TENM2: variants seen among roughly 807,000 people sequenced by gnomAD.
The protein encoded by TENM2 is teneurin-2.
Under a neutral mutation model 245.2 loss-of-function variants are expected in TENM2, and 52 were observed. That is an observed-to-expected ratio of 0.21 (90% CI 0.17 to 0.27). The LOEUF (loss-of-function observed/expected upper bound fraction) is 0.27, where lower values mean the gene tolerates loss of function less well. Among genes scored for constraint, TENM2 ranks in the 10% least tolerant of loss-of-function variants. TENM2 has a pLI of 1.00. For missense variants in TENM2, 3,046 were observed against 3,666.8 expected (o/e 0.83, Z 4.37); for synonymous variants, 1,363 against 1,438.9 (o/e 0.95, Z 1.19).
intron 1 of TENM2, among the ~76,000 whole-genome samples, chr5:167,321,109 G>T (rs1307186953): frequency 6.6e-6 from 1 of 152,098 alleles, no homozygotes; most frequent in Non-Finnish European, 1.5e-5. Flanking sequence ...CTAGAAAATT[G>T]CTAGATAAGT....
the TENM2 span, among the ~76,000 whole-genome samples, chr5:167,132,780 A>G: frequency 6.6e-6 from 1 of 152,258 alleles, no homozygotes. Context: ...ATGGAACAGA[A>G]TATAAAGTTC....
At chr5:168,228,028 C>G in exon 25 of TENM2, 1 of 1,613,902 alleles carries the variant, frequency 6.2e-7, no homozygotes, top group South Asian at 1.1e-5. Flanking sequence ...TTGGACGCTG[C>G]AACATCTCCC....
chr5:167,160,984 A>G, the TENM2 span, among the ~76,000 whole-genome samples: 2 of 151,708 alleles, frequency 1.3e-5, no homozygotes, highest in Admixed American at 1.3e-4. Context: ...TATTTTCAAT[A>G]TGAATTGGTT....
intron 8 of TENM2, among the ~76,000 whole-genome samples, chr5:168,095,259 C>G (rs1484135662): frequency 6.6e-6 from 1 of 152,124 alleles, no homozygotes; most frequent in Non-Finnish European, 1.5e-5. Flanking sequence ...GTCTACATGT[C>G]CCTGGATGAT....
intron 2 of TENM2, among the ~76,000 whole-genome samples, chr5:167,390,111 G>A (rs1001303532): frequency 6.6e-6 from 1 of 152,214 alleles, no homozygotes; most frequent in East Asian, 1.9e-4. Flanking sequence ...AGATCACTTG[G>A]CTGCATTTTC....
intron 4 of TENM2, among the ~76,000 whole-genome samples, chr5:167,974,926 A>T (rs529411887): frequency 6.6e-6 from 1 of 152,258 alleles, no homozygotes; most frequent in South Asian, 2.1e-4. Flanking sequence ...TTTTTCACAT[A>T]ACCACTTAAT....
chr5:167,978,740 T>C (rs540662959), intron 4 of TENM2, among the ~76,000 whole-genome samples: 1 of 152,332 alleles, frequency 6.6e-6, no homozygotes, highest in South Asian at 2.1e-4. Flanking sequence ...ACATCGTGAA[T>C]GCTCTAAATG....
the TENM2 span, among the ~76,000 whole-genome samples, chr5:167,104,360 C>T: frequency 5.9e-5 from 9 of 152,146 alleles, no homozygotes; most frequent in Non-Finnish European, 1.0e-4. Flanking sequence ...TTTCTCGAAG[C>T]GCTGTGCTGA....
chr5:167,131,636 A>AT, the TENM2 span, among the ~76,000 whole-genome samples: 14 of 152,140 alleles, frequency 9.2e-5, no homozygotes, highest in African/African-American at 2.9e-4. Flanking sequence ...CAACCAATAG[A>AT]TAAATAAAAA....
intron 2 of TENM2, among the ~76,000 whole-genome samples, chr5:167,818,475 A>G (rs1189363391): frequency 1.3e-5 from 2 of 152,200 alleles, no homozygotes; most frequent in African/African-American, 4.8e-5. Context: ...CTAACTAAGT[A>G]CTTTACATTT....
rs771552777 is a variant in TENM2, at chr5:168,047,525, G to T, written c.1285G>T (p.Ala429Ser). ...CGGCTTACCAGGAAACGATGATGTG[G>T]CAACAATGCCATCTGGAGGCAAAGG... The change falls in exon 6 of 29, where the codon GCA (alanine) becomes TCA (serine). Residue 429 changes from alanine (A) to serine (S), a missense_variant. Transcript: ENST00000518659. 4 of 1,551,714 alleles carry T rather than the reference G, an allele frequency of 2.6e-6. No individual in the cohort carries two copies. The South Asian group carries it at 4.8e-5, about 18-fold the overall frequency.
intron 2 of TENM2, among the ~76,000 whole-genome samples, chr5:167,681,000 T>C (rs564606865): frequency 2.0e-4 from 31 of 152,300 alleles, no homozygotes; most frequent in Middle Eastern, 3.4e-3. Context: ...AGAAATGAAG[T>C]TGTGATTTGA....
intron 7 of TENM2, 89 bp from the exon 10 acceptor site, chr5:168,090,485 A>G: frequency 1.6e-6 from 2 of 1,220,774 alleles, no homozygotes; most frequent in Non-Finnish European, 2.3e-6. Flanking sequence ...GTCTTTCTCC[A>G]TTAACAAATG....
chr5:167,914,120 G>A (rs1220411451), intron 3 of TENM2, among the ~76,000 whole-genome samples: 2 of 152,166 alleles, frequency 1.3e-5, no homozygotes. Context: ...GAGCCTGGGG[G>A]ACCTCTACCT....
At chr5:168,034,655 C>T (rs905310418) in intron 5 of TENM2, among the ~76,000 whole-genome samples, 2 of 152,014 alleles carry the variant, frequency 1.3e-5, no homozygotes, top group Non-Finnish European at 2.9e-5. Context: ...CCTGTAGTCC[C>T]AGCTACTTGG....
intron 2 of TENM2, among the ~76,000 whole-genome samples, chr5:167,390,727 G>A (rs893580560): frequency 2.0e-5 from 3 of 152,124 alleles, no homozygotes; most frequent in African/African-American, 7.2e-5. Context: ...GCATTCCCTT[G>A]TACATTTAGA....
intron 2 of TENM2, among the ~76,000 whole-genome samples, chr5:167,490,552 C>G (rs1561997920): frequency 1.3e-5 from 2 of 151,912 alleles, no homozygotes; most frequent in Admixed American, 6.6e-5. Flanking sequence ...TTAATATAGT[C>G]TGTTTTATAT....
At chr5:167,732,047 G>T (rs1760477944) in intron 2 of TENM2, among the ~76,000 whole-genome samples, 1 of 152,144 alleles carries the variant, frequency 6.6e-6, no homozygotes, top group Admixed American at 6.5e-5. Flanking sequence ...GACTTATTTT[G>T]TGATACTGAT....
the TENM2 span, among the ~76,000 whole-genome samples, chr5:167,062,058 C>G: frequency 6.6e-6 from 1 of 151,898 alleles, no homozygotes; most frequent in African/African-American, 2.4e-5. Flanking sequence ...CTTCATGGCA[C>G]TTAGTAATTT....
Sources: allele counts gnomAD v4.1 joint callset (sites outside exome capture counted in the v4.1 genomes callset), GRCh38; gene constraint gnomAD v4.1.1; transcripts MANE v1.5; gene names NCBI Gene and HGNC (gene_info 2026-07-23, HGNC 2026-07-21).